The following WIPF1 variants were observed in gnomAD, a reference collection of about 807,000 sequenced individuals.
WIPF1 encodes WAS/WASL-interacting protein family member 1.
WIPF1 carries 13 observed loss-of-function variants against 35.4 expected under a neutral mutation model. The ratio of observed to expected loss-of-function variants is 0.37; its 90% CI spans 0.24 to 0.58. WIPF1 has a LOEUF of 0.58. Among genes scored for constraint, WIPF1 ranks in the 20% least tolerant of loss-of-function variants. The pLI, the probability that WIPF1 is intolerant of heterozygous loss-of-function variation, is 0.74. For missense variants in WIPF1, 591 were observed against 667.0 expected (o/e 0.89, Z 1.25); for synonymous variants, 267 against 266.3 (o/e 1.00, Z -0.02).
chr2:174,636,359 G>A (rs1270920516), intron 1 of WIPF1, among the ~76,000 whole-genome samples: 1 of 151,818 alleles, frequency 6.6e-6, no homozygotes, highest in Non-Finnish European at 1.5e-5. Context: ...TTCTGGTTAG[G>A]CATTTAAAAA....
At chr2:174,682,294 T>C (rs902001141) in intron 1 of WIPF1, among the ~76,000 whole-genome samples, 10 of 152,176 alleles carry the variant, frequency 6.6e-5, no homozygotes, top group South Asian at 2.1e-4. Flanking sequence ...ACGGTTCCCA[T>C]AGACAGGCAG....
At chr2:174,567,280 G>A in intron 6 of WIPF1, 97 bp from the exon 7 acceptor site, 1 of 1,137,720 alleles carries the variant, frequency 8.8e-7, no homozygotes, top group South Asian at 1.4e-5. Flanking sequence ...GAGAACCACA[G>A]ACATCAGTGC....
chr2:174,610,736 TCAA>T (rs1366601800), intron 1 of WIPF1, among the ~76,000 whole-genome samples: 1 of 152,086 alleles, frequency 6.6e-6, no homozygotes, highest in Non-Finnish European at 1.5e-5. Flanking sequence ...GTGGCTAAGG[TCAA>T]CGTGTCAGAA....
rs1165941115 is a variant in WIPF1 at position 174,571,090 on chromosome 2, G to A, written c.1129+586C>T. ...AGGCAAATTTTGAGTTTATGCCTGA[G>A]TATTTTTGTAAAGATAGTCTATACC... is the stretch of plus-strand genomic sequence containing the variant. On this transcript the variant is annotated intron_variant, in intron 5 of 7. Coordinates refer to ENST00000679041, the MANE Select transcript of WIPF1 (RefSeq NM_001375834.1). This position sits in a 1 kb window ranked among gnomAD's most constrained non-coding sequence, Gnocchi z 4.6. 1 of 158,850 alleles carries A rather than the reference G, an allele frequency of 6.3e-6. No homozygotes were observed. The highest frequency in any genetic ancestry group is 2.4e-5 in the African/African-American group (1 of 41,470). 9.8% of individuals were successfully genotyped at this position (158,850 alleles called of 1,614,324 possible).
chr2:174,635,175 GC>G (rs2105939606), intron 1 of WIPF1, among the ~76,000 whole-genome samples: 1 of 152,358 alleles, frequency 6.6e-6, no homozygotes, highest in Admixed American at 6.5e-5. Context: ...CAGACAGTGT[GC>G]CCCAATTGTT....
At chr2:174,588,145 C>T (rs1225715381) in intron 1 of WIPF1, among the ~76,000 whole-genome samples, 3 of 152,052 alleles carry the variant, frequency 2.0e-5, no homozygotes, top group Admixed American at 1.3e-4. Context: ...CTGACTACTG[C>T]GAAAGATGCT....
intron 1 of WIPF1, among the ~76,000 whole-genome samples, chr2:174,610,870 A>C (rs185338647): frequency 6.6e-6 from 1 of 152,228 alleles, no homozygotes; most frequent in East Asian, 1.9e-4. Flanking sequence ...CCCTGCAGTC[A>C]CTGACCTTTT....
intron 1 of WIPF1, among the ~76,000 whole-genome samples, chr2:174,647,193 G>A (rs907534505): frequency 1.3e-5 from 2 of 151,954 alleles, no homozygotes; most frequent in African/African-American, 4.8e-5. Flanking sequence ...GCAGCAGAGC[G>A]ACATCCTGTC....
At chr2:174,567,259 TGAAA>T in intron 6 of WIPF1, 76 bp from the exon 7 acceptor site, 1 of 1,324,408 alleles carries the variant, frequency 7.6e-7, no homozygotes. Flanking sequence ...AGGCACAGAA[TGAAA>T]GAGAGAGAGA....
chr2:174,585,377 T>C, intron 2 of WIPF1, 146 bp downstream of exon 2: 1 of 779,642 alleles, frequency 1.3e-6, no homozygotes, highest in Non-Finnish European at 2.1e-6. Context: ...GTTTCAGGAT[T>C]TGGCTTACCC....
In WIPF1 at chr2:174,571,069, A is replaced by T. The variant is rs945367318; in HGVS notation, c.1129+607T>A. The T allele has an allele frequency of 2.5e-5, 4 of 157,536 alleles. No homozygotes were observed. Among genetic ancestry groups the T allele is most frequent in the Admixed American group, 6.0e-5 (1 of 16,664 alleles). The allele number at this position is 157,536 out of a possible 1,614,324, so 9.8% of individuals were successfully genotyped here. On this transcript the variant is annotated intron_variant, in intron 5 of 7. Coordinates refer to ENST00000679041, the MANE Select transcript of WIPF1 (RefSeq NM_001375834.1). The surrounding 1 kb of genome is among the most constrained non-coding windows in gnomAD (Gnocchi z 4.6). ...CTCTTCAAGCCATGTGACAGCAGGC[A>T]AATTTTGAGTTTATGCCTGAGTATT... is the stretch of plus-strand genomic sequence containing the variant.
At chr2:174,673,304 G>C (rs1319056469) in intron 1 of WIPF1, 1 of 152,208 alleles carries the variant, frequency 6.6e-6, no homozygotes, top group African/African-American at 2.4e-5. Context: ...GGAGAGTTCA[G>C]GGTCCCTTAG....
intron 1 of WIPF1, among the ~76,000 whole-genome samples, chr2:174,664,732 C>A (rs536156030): frequency 6.6e-6 from 1 of 152,320 alleles, no homozygotes; most frequent in Admixed American, 6.5e-5. Flanking sequence ...CTAGGAGGAC[C>A]TGAAACCCAG....
chr2:174,595,836 G>T (rs1167915476), intron 1 of WIPF1, among the ~76,000 whole-genome samples: 1 of 152,168 alleles, frequency 6.6e-6, no homozygotes, highest in Non-Finnish European at 1.5e-5. Context: ...AAGTCCAGGA[G>T]AAATGCTTTC....
chr2:174,660,937 G>T (rs953802478), intron 1 of WIPF1, among the ~76,000 whole-genome samples: 2 of 152,236 alleles, frequency 1.3e-5, no homozygotes, highest in African/African-American at 4.8e-5. Flanking sequence ...GCCTAGGGCT[G>T]GTGCTGGAAA....
chr2:174,593,236 C>T (rs1442497457), intron 1 of WIPF1, among the ~76,000 whole-genome samples: 1 of 151,736 alleles, frequency 6.6e-6, no homozygotes, highest in Non-Finnish European at 1.5e-5. Context: ...CTCTCTCCCT[C>T]TCTCTCTCTG....
At chr2:174,658,317 G>A (rs932947936) in intron 1 of WIPF1, among the ~76,000 whole-genome samples, 2 of 152,140 alleles carry the variant, frequency 1.3e-5, no homozygotes, top group African/African-American at 4.8e-5. Context: ...CTGCTCATAC[G>A]CCAGCCACTA....
At chr2:174,578,826 A>T (rs1685147155) in intron 3 of WIPF1, among the ~76,000 whole-genome samples, 1 of 152,260 alleles carries the variant, frequency 6.6e-6, no homozygotes, top group South Asian at 2.1e-4. Flanking sequence ...AAGACTAACA[A>T]TTTCTAGAAG....
chr2:174,679,253 G>A (rs932363733), intron 1 of WIPF1, among the ~76,000 whole-genome samples: 3 of 152,058 alleles, frequency 2.0e-5, no homozygotes, highest in African/African-American at 4.8e-5. Context: ...GGCCGATCAC[G>A]AGGTCAGGAG....
Sources: gnomAD v4.1 joint callset for allele counts (sites outside exome capture counted in the v4.1 genomes callset) on GRCh38, gnomAD v4.1.1 for gene constraint, Gnocchi (gnomAD v3.1) non-coding constraint, MANE v1.5 for transcripts, NCBI Gene and HGNC (gene_info 2026-07-23, HGNC 2026-07-21) for gene names.